Variants in PTPRT observed in about 807,000 individuals in gnomAD.
PTPRT encodes the protein receptor-type tyrosine-protein phosphatase T.
A neutral mutation model predicts 176.8 loss-of-function variants in PTPRT; 56 were observed. That is an observed-to-expected ratio of 0.32 (90% confidence interval 0.26 to 0.40). The LOEUF is 0.40. Ranked by LOEUF, PTPRT falls within the 10% of genes least tolerant of loss-of-function variation. PTPRT has a pLI of 1.00. For missense variants in PTPRT, 1,540 were observed against 1,908.2 expected, an observed-to-expected ratio of 0.81 and a Z score of 3.60; for synonymous variants, 783 against 739.0, an observed-to-expected ratio of 1.06 and a Z score of -0.96.
chr20:42,485,955 C>CA (rs2145351572), intron 7 of PTPRT, among the ~76,000 whole-genome samples: 1 of 152,296 alleles, frequency 6.6e-6, no homozygotes, highest in African/African-American at 2.4e-5. Context: ...AGGCAATTGA[C>CA]AAAACAAAGC....
At chr20:42,937,084 C>A (rs774026856) in intron 1 of PTPRT, among the ~76,000 whole-genome samples, 3 of 152,228 alleles carry the variant, frequency 2.0e-5, no homozygotes, top group Non-Finnish European at 4.4e-5. Flanking sequence ...CAGTGGGAAT[C>A]TCGGCTTTAC....
chr20:42,301,464 T>G (rs940858882), intron 12 of PTPRT, among the ~76,000 whole-genome samples: 1 of 152,220 alleles, frequency 6.6e-6, no homozygotes, highest in Non-Finnish European at 1.5e-5. Flanking sequence ...GGACCAGGTT[T>G]TTTTTTGTTA....
chr20:42,111,839 TGTGA>T (rs1987014491), intron 22 of PTPRT, among the ~76,000 whole-genome samples: 1 of 152,152 alleles, frequency 6.6e-6, no homozygotes, highest in South Asian at 2.1e-4. Flanking sequence ...TATAGTGATG[TGTGA>T]GTATTACCCA....
chr20:42,844,909 G>C (rs1187335755), intron 2 of PTPRT, among the ~76,000 whole-genome samples: 3 of 152,174 alleles, frequency 2.0e-5, no homozygotes, highest in African/African-American at 7.2e-5. Flanking sequence ...CCACCCACCT[G>C]TTCAGGTTCA....
At chr20:42,681,317 A>G (rs991417259) in intron 6 of PTPRT, among the ~76,000 whole-genome samples, 1 of 152,202 alleles carries the variant, frequency 6.6e-6, no homozygotes, top group Non-Finnish European at 1.5e-5. Flanking sequence ...CAGAGCACTG[A>G]GCGCATGAAA....
intron 13 of PTPRT, among the ~76,000 whole-genome samples, chr20:42,258,233 AT>A (rs1317334654): frequency 6.6e-6 from 1 of 152,122 alleles, no homozygotes; most frequent in Non-Finnish European, 1.5e-5. Context: ...TTTCTTGAAG[AT>A]TATCTCCTCT....
chr20:42,419,901 G>A lies in PTPRT; in HGVS notation c.1560+28319C>T, dbSNP rs563445931. On this transcript the variant is annotated intron_variant, in intron 9 of 30. Transcript: ENST00000373187. ...GACGCACACCTAGCGAGAACGCCAC[G>A]TGGAGACAGAAGCGAGACTGGAGCA... 4.6e-5 allele frequency among the ~76,000 whole-genome samples: 7 copies of A among 152,288 alleles called. No individual in the cohort carries two copies. In the South Asian group the frequency reaches 1.2e-3, roughly 27 times the overall value.
chr20:43,122,084 G>A (rs959182757), intron 1 of PTPRT, among the ~76,000 whole-genome samples: 9 of 152,144 alleles, frequency 5.9e-5, no homozygotes, highest in Non-Finnish European at 1.3e-4. Context: ...ATCCCCGGGA[G>A]GATCCCATCC....
At chr20:43,188,595 T>C (rs1282104308) in intron 1 of PTPRT, among the ~76,000 whole-genome samples, 1 of 152,220 alleles carries the variant, frequency 6.6e-6, no homozygotes, top group African/African-American at 2.4e-5. Context: ...TGTTCCTGCG[T>C]CCCACGGGCT....
In PTPRT at chr20:42,143,752, C is replaced by T. The variant is rs188141195; in HGVS notation, c.2683-1750G>A. 4.3e-3 allele frequency among the ~76,000 whole-genome samples: 660 copies of T among 152,192 alleles called. 3 individuals carry two copies. Among genetic ancestry groups the T allele is most frequent in the Non-Finnish European group, 6.7e-3 (458 of 68,008 alleles). On this transcript the variant is annotated intron_variant, in intron 17 of 30. Transcript: ENST00000373187. ...ACAAGTAGTTTGTTTGGGAGGCACT[C>T]CCAGGGAGTTTGGGTGGGAGAATGT...
chr20:43,014,832 T>G (rs937515532), intron 1 of PTPRT, among the ~76,000 whole-genome samples: 1 of 152,202 alleles, frequency 6.6e-6, no homozygotes, highest in Non-Finnish European at 1.5e-5. Flanking sequence ...TATGACACTT[T>G]GCATGTCAAA....
intron 17 of PTPRT, among the ~76,000 whole-genome samples, chr20:42,142,597 TG>T (rs904500000): frequency 2.6e-5 from 4 of 152,054 alleles, no homozygotes; most frequent in African/African-American, 4.8e-5. Flanking sequence ...GACCCCCCAG[TG>T]GGGGGGCTCC....
chr20:42,869,249 C>T (rs990715312), intron 2 of PTPRT, among the ~76,000 whole-genome samples: 3 of 152,114 alleles, frequency 2.0e-5, no homozygotes, highest in African/African-American at 7.2e-5. Context: ...ACCCTTGAGA[C>T]CTCAGACCTG....
intron 1 of PTPRT, among the ~76,000 whole-genome samples, chr20:43,188,023 C>T (rs2015439051): frequency 6.6e-6 from 1 of 152,146 alleles, no homozygotes; most frequent in South Asian, 2.1e-4. Flanking sequence ...CGATTCGAGA[C>T]CCGTGATGGA....
Position 42,208,312 on chromosome 20 carries a change from T to C in PTPRT, c.2343-8924A>G, listed in dbSNP as rs1280722177. Among the ~76,000 whole-genome samples the C allele has an allele frequency of 3.0e-4, 44 of 148,980 alleles. 1 individual carries two copies. Among genetic ancestry groups the C allele is most frequent in the Admixed American group, 2.9e-3 (43 of 14,916 alleles). Reference sequence around the variant, plus strand: ...TAACAATATTAACTTTAAATGTAAATGGACTAAATGCTCCAATTAAAAGAC... The same window carrying C: ...TAACAATATTAACTTTAAATGTAAACGGACTAAATGCTCCAATTAAAAGAC... On this transcript the variant is annotated intron_variant, in intron 15 of 30. Coordinates refer to ENST00000373187, the MANE Select transcript of PTPRT (RefSeq NM_007050.6).
intron 12 of PTPRT, among the ~76,000 whole-genome samples, chr20:42,300,756 GTATTATTATTATTATTATTATTATT>G (rs2057454315): frequency 6.8e-6 from 1 of 147,988 alleles, no homozygotes; most frequent in Non-Finnish European, 1.5e-5. Flanking sequence ...CTTTTTATTT[GTATTATTATTATTATTATTATTATT>G]TATTATTATT....
chr20:43,023,745 C>T (rs1985799002), intron 1 of PTPRT, among the ~76,000 whole-genome samples: 1 of 152,134 alleles, frequency 6.6e-6, no homozygotes. Context: ...CTCAACGAAG[C>T]CCTGTAGCTG....
intron 1 of PTPRT, chr20:42,968,806 C>G (rs1233622875): frequency 2.0e-5 from 3 of 152,252 alleles, no homozygotes; most frequent in Non-Finnish European, 4.4e-5. Flanking sequence ...GTCTGCCTGC[C>G]TCTTCCATCC....
At chr20:43,057,079 T>C (rs1489359689) in intron 1 of PTPRT, among the ~76,000 whole-genome samples, 1 of 151,482 alleles carries the variant, frequency 6.6e-6, no homozygotes, top group Non-Finnish European at 1.5e-5. Flanking sequence ...CATGACAAAA[T>C]TGTAGTGATA....
Sources: allele counts gnomAD v4.1 joint callset (sites outside exome capture counted in the v4.1 genomes callset), GRCh38; gene constraint gnomAD v4.1.1; transcripts MANE v1.5; gene names NCBI Gene and HGNC (gene_info 2026-07-23, HGNC 2026-07-21).